Variants in DCAF6 observed in about 807,000 individuals in gnomAD.
DCAF6 encodes DDB1- and CUL4-associated factor 6.
In DCAF6, 54 loss-of-function variants were observed where a neutral mutation model predicts 125.1. The ratio of observed to expected loss-of-function variants is 0.43; its 90% CI spans 0.35 to 0.54. The LOEUF (loss-of-function observed/expected upper bound fraction) is 0.54. DCAF6 is among the 20% of genes least tolerant of loss of function. The pLI is 0.01. For synonymous variants in DCAF6, 371 were observed against 390.4 expected, an observed-to-expected ratio of 0.95 and a Z score of 0.58; for missense variants, 934 against 1,161.7, an observed-to-expected ratio of 0.80 and a Z score of 2.85.
chr1:167,974,985 A>G lies in DCAF6; in HGVS notation c.408A>G (p.Gln136=). 6.2e-7 allele frequency: 1 copy of G among 1,602,206 alleles called. No homozygotes were observed. Among genetic ancestry groups the G allele is most frequent in the Non-Finnish European group, 8.5e-7 (1 of 1,175,408 alleles). ...ATGCAGAAACCAACAGACAATGCCA[A>G]TTTACGTGTCATTATGGAACTACTT... The part of the protein sequence containing the change: ...EQDAETNRQC[Q]FTCHYGTTYE... Residue 136 remains glutamine, a synonymous_variant, in exon 4 of 22, where the codon CAA becomes CAG. Coordinates refer to ENST00000367840, the MANE Select transcript of DCAF6 (RefSeq NM_001198956.2).
Position 167,975,719 on chromosome 1 carries a change from TTTG to T in DCAF6, c.438+718_438+720del, listed in dbSNP as rs939035535. 3.0e-3 allele frequency among the ~76,000 whole-genome samples: 460 copies of T among 152,026 alleles called. 1 individual carries two copies. Among genetic ancestry groups the T allele is most frequent in the African/African-American group, 0.01 (422 of 41,432 alleles). Reference sequence around the variant, plus strand: ...TGCCACCATGCCCAACTAATTTAATTTTGTTGTTGTTGTTGTGGAGACAGGGTT... The same window carrying T: ...TGCCACCATGCCCAACTAATTTAATTTTGTTGTTGTTGTGGAGACAGGGTT... On this transcript the variant is annotated intron_variant, in intron 4 of 21. Coordinates refer to ENST00000367840, the MANE Select transcript of DCAF6 (RefSeq NM_001198956.2).
At chr1:168,031,814 T>G (rs938259679) in intron 12 of DCAF6, among the ~76,000 whole-genome samples, 10 of 152,212 alleles carry the variant, frequency 6.6e-5, no homozygotes, top group Non-Finnish European at 1.5e-4. Context: ...ATTTACTTAT[T>G]TTCATTCTAT....
rs1403171935 is a variant in DCAF6, at chr1:168,055,944, C to T, written c.2300+5011C>T. 12 of 1,588,450 alleles carry T rather than the reference C, an allele frequency of 7.6e-6. No homozygotes were observed. In the Admixed American group the frequency reaches 1.7e-4, roughly 22 times the overall value. On this transcript the variant is annotated intron_variant, in intron 17 of 21. Transcript: ENST00000367840. ...TATGTATTTCTCATATGCTTCTTCA[C>T]TCATAAGTTCATCTAGTTCTGAAGG...
intron 20 of DCAF6, among the ~76,000 whole-genome samples, chr1:168,067,746 A>G (rs547788793): frequency 1.4e-4 from 21 of 151,184 alleles, no homozygotes; most frequent in African/African-American, 5.1e-4. Context: ...TTCCTCTCAT[A>G]CTCTTTCTTT....
At chr1:167,866,132 G>C in the DCAF6 span, among the ~76,000 whole-genome samples, 2 of 152,178 alleles carry the variant, frequency 1.3e-5, no homozygotes, top group Non-Finnish European at 1.5e-5. Context: ...GTGGTATTGT[G>C]GTGGACCTTT....
intron 4 of DCAF6, among the ~76,000 whole-genome samples, chr1:167,981,613 T>C (rs1405437726): frequency 5.3e-5 from 8 of 152,206 alleles, no homozygotes; most frequent in Admixed American, 3.9e-4. Flanking sequence ...CTCCTACTTA[T>C]AAGTGAGAAC....
chr1:168,023,645 G>A (rs201540), intron 12 of DCAF6: 70,078 of 152,962 alleles, frequency 0.46, 18,241 homozygotes, highest in African/African-American at 0.71. Context: ...CTGATGAAAT[G>A]AACGCGTTAC....
intron 21 of DCAF6, 111 bp from the exon 22 acceptor site, chr1:168,075,260 A>G (rs1370343590): frequency 1.1e-6 from 1 of 950,350 alleles, no homozygotes; most frequent in Non-Finnish European, 1.6e-6. Flanking sequence ...ACATCCACAC[A>G]TAGTGGTGAA....
chr1:167,977,926 G>T (rs1171770108), intron 4 of DCAF6, among the ~76,000 whole-genome samples: 6 of 152,036 alleles, frequency 3.9e-5, no homozygotes, highest in Non-Finnish European at 8.8e-5. Context: ...TCTAACACTG[G>T]AGTTTTCTGT....
At chr1:168,027,921 G>C (rs1053019814) in intron 12 of DCAF6, among the ~76,000 whole-genome samples, 5 of 151,950 alleles carry the variant, frequency 3.3e-5, no homozygotes, top group Admixed American at 6.5e-5. Flanking sequence ...CTTTTTTTAA[G>C]AAACAAAATT....
At chr1:167,917,597 C>CAAAAAAAAA in the DCAF6 span, 2 of 79,834 alleles carry the variant, frequency 2.5e-5, no homozygotes, top group African/African-American at 5.0e-5. Context: ...GACCCTGTCT[C>CAAAAAAAAA]AAAAAAAAAA....
At chr1:168,050,968 A>G (rs1469539280) in intron 17 of DCAF6, 35 bp downstream of exon 17, 1 of 1,182,706 alleles carries the variant, frequency 8.5e-7, no homozygotes. Context: ...TTTTTTTTTT[A>G]TGATGGATTT....
intron 14 of DCAF6, 45 bp from the exon 15 acceptor site, chr1:168,044,540 C>A (rs1193256003): frequency 1.0e-5 from 14 of 1,399,980 alleles, no homozygotes; most frequent in African/African-American, 1.4e-5. Flanking sequence ...TAGAACTAAT[C>A]CCTCATGGAT....
the DCAF6 span, chr1:167,870,510 G>T: frequency 1.8e-6 from 2 of 1,110,916 alleles, no homozygotes; most frequent in Non-Finnish European, 2.6e-6. Flanking sequence ...AAATATCCTT[G>T]GGCCAGGCGC....
At chr1:167,867,323 G>A in the DCAF6 span, among the ~76,000 whole-genome samples, 1 of 152,114 alleles carries the variant, frequency 6.6e-6, no homozygotes, top group African/African-American at 2.4e-5. Flanking sequence ...GTCCACGCAC[G>A]GCCGAAGCAT....
chr1:167,904,687 A>T, the DCAF6 span: 10 of 593,018 alleles, frequency 1.7e-5, no homozygotes, highest in East Asian at 2.5e-4. Flanking sequence ...TTTGACTGGG[A>T]TGTGTATGGG....
intron 13 of DCAF6, among the ~76,000 whole-genome samples, chr1:168,038,785 C>CTAA (rs1379791507): frequency 2.0e-5 from 3 of 151,922 alleles, no homozygotes; most frequent in African/African-American, 7.3e-5. Context: ...AAAGATAATA[C>CTAA]TAATAATAAT....
the DCAF6 span, among the ~76,000 whole-genome samples, chr1:167,926,385 C>T: frequency 6.6e-6 from 1 of 152,182 alleles, no homozygotes; most frequent in Admixed American, 6.5e-5. Flanking sequence ...CTAGCCACAT[C>T]TTTTTCTCTC....
At chr1:167,993,050 T>C (rs1213664100) in intron 6 of DCAF6, among the ~76,000 whole-genome samples, 176 bp from the exon 7 acceptor site, 6 of 152,214 alleles carry the variant, frequency 3.9e-5, no homozygotes, top group Non-Finnish European at 8.8e-5. Flanking sequence ...CCATATTCTT[T>C]TTTGTTTTGT....
Sources: allele counts gnomAD v4.1 joint callset (sites outside exome capture counted in the v4.1 genomes callset), GRCh38; gene constraint gnomAD v4.1.1; transcripts MANE v1.5; gene names NCBI Gene and HGNC (gene_info 2026-07-23, HGNC 2026-07-21).